Variants in CPLX2 observed in about 807,000 individuals in gnomAD.
CPLX2 encodes complexin 2, also known as complexin-2.
In CPLX2, 5 loss-of-function variants were observed where a neutral mutation model predicts 16.3. The ratio of observed to expected loss-of-function variants is 0.31; its 90% CI spans 0.16 to 0.64. The LOEUF (loss-of-function observed/expected upper bound fraction) is 0.64, where lower values mean the gene tolerates loss of function less well. CPLX2 is among the 30% of genes least tolerant of loss of function. The probability of loss-of-function intolerance (pLI) is 0.79; values close to 1 mark genes in which losing one functional copy is unlikely to be tolerated. For missense variants in CPLX2, 144 were observed against 181.4 expected, an observed-to-expected ratio of 0.79 and a Z score of 1.18; for synonymous variants, 89 against 73.2, an observed-to-expected ratio of 1.22 and a Z score of -1.10.
At position 175,851,115 on chromosome 5, in the gene CPLX2, T is replaced by C. The variant is rs558518269; in HGVS notation, c.-88-27537T>C. 2.6e-5 allele frequency among the ~76,000 whole-genome samples: 4 copies of C among 152,028 alleles called. No homozygotes were observed. The East Asian group carries it at 7.8e-4, about 30-fold the overall frequency. On this transcript the variant is annotated intron_variant, in intron 2 of 4. Transcript: ENST00000359546. ...TAAGTGTGGCTCAGGGCATCTTGCG[T>C]GTGAGGAGCCTGTGGACAGGTGGCT...
intron 2 of CPLX2, among the ~76,000 whole-genome samples, chr5:175,858,185 G>A (rs1759295934): frequency 6.6e-6 from 1 of 152,202 alleles, no homozygotes; most frequent in African/African-American, 2.4e-5. Flanking sequence ...TACATAATAG[G>A]AGGTAAGAGA....
chr5:175,823,964 T>A (rs1006415527), intron 2 of CPLX2, among the ~76,000 whole-genome samples: 2 of 152,186 alleles, frequency 1.3e-5, no homozygotes, highest in Admixed American at 6.5e-5. Flanking sequence ...CAATAATGCA[T>A]GTCCTCCTCC....
chr5:175,864,566 G>A (rs950857287), intron 2 of CPLX2, among the ~76,000 whole-genome samples: 2 of 152,204 alleles, frequency 1.3e-5, no homozygotes, highest in Admixed American at 6.5e-5. Flanking sequence ...AAAGGATCTG[G>A]AGAGTGTGAA....
chr5:175,813,402 T>C (rs1758347922), intron 2 of CPLX2, among the ~76,000 whole-genome samples: 2 of 152,362 alleles, frequency 1.3e-5, no homozygotes, highest in Admixed American at 1.3e-4. Context: ...TCACAGTGTC[T>C]GTCACTTAAG....
chr5:175,850,365 G>A (rs535980848), intron 2 of CPLX2, among the ~76,000 whole-genome samples: 1 of 152,266 alleles, frequency 6.6e-6, no homozygotes, highest in Admixed American at 6.5e-5. Context: ...ATGAGTGGGC[G>A]GGAGACAGAG....
chr5:175,871,425 G>GACAGAGAGAGAGAGAGAGAA (rs1561790280), upstream of CPLX2: 1 of 108,010 alleles, frequency 9.3e-6, no homozygotes, highest in African/African-American at 3.6e-5. Context: ...GAGAGAGAGA[G>GACAGAGAGAGAGAGAGAGAA]AGAGAGACAG....
At chr5:175,865,386 GCACCAAGATGGAAAGAACATCTATCTT>G (rs975884977) in intron 2 of CPLX2, among the ~76,000 whole-genome samples, 1 of 152,150 alleles carries the variant, frequency 6.6e-6, no homozygotes, top group African/African-American at 2.4e-5. Flanking sequence ...GACTGCCTCT[GCACCAAGATGGAAAGAACATCTATCTT>G]CACAAATGTA....
chr5:175,833,629 CTT>C (rs1758771471), intron 2 of CPLX2, among the ~76,000 whole-genome samples: 1 of 152,120 alleles, frequency 6.6e-6, no homozygotes, highest in African/African-American at 2.4e-5. Flanking sequence ...CTCCAGGACT[CTT>C]TGAGAAACAC....
upstream of CPLX2, among the ~76,000 whole-genome samples, chr5:175,868,610 C>T (rs533095858): frequency 1.3e-5 from 2 of 152,178 alleles, no homozygotes; most frequent in East Asian, 1.9e-4. Context: ...TTTGCACTCC[C>T]GCTGGATTAG....
chr5:175,854,724 G>A (rs1249923832), intron 2 of CPLX2, among the ~76,000 whole-genome samples: 4 of 152,178 alleles, frequency 2.6e-5, no homozygotes, highest in African/African-American at 9.7e-5. Context: ...AACATCCCAA[G>A]ATCACAGCAG....
chr5:175,819,292 G>A (rs907947229), intron 2 of CPLX2, among the ~76,000 whole-genome samples: 5 of 152,220 alleles, frequency 3.3e-5, no homozygotes, highest in South Asian at 2.1e-4. Context: ...CACGAGATGC[G>A]GGTTCAGCTC....
At position 175,878,963 on chromosome 5, in the gene CPLX2, C is replaced by T. The variant is rs1393699238; in HGVS notation, c.87C>T (p.Asp29=). ...GGGGAGAGGAGGAGAAGGACCCCGA[C>T]GCGCAGAAAAAGGAGGAGGAGCGGC... The part of the protein sequence containing the change: ...MLGGEEEKDP[D]AQKKEEERQE... Residue 29 remains aspartate (D), a synonymous_variant, in exon 3 of 4, where the codon GAC becomes GAT. Coordinates refer to ENST00000393745, the MANE Select transcript of CPLX2 (RefSeq NM_001008220.2). The T allele has an allele frequency of 6.2e-7, 1 of 1,610,572 alleles. No individual in the cohort carries two copies. Among genetic ancestry groups the T allele is most frequent in the Non-Finnish European group, 8.5e-7 (1 of 1,178,522 alleles).
At position 175,849,528 on chromosome 5, in the gene CPLX2, T is replaced by C. The variant is rs1259526573; in HGVS notation, c.-88-29124T>C. Among the ~76,000 whole-genome samples the C allele has an allele frequency of 1.3e-5, 2 of 152,148 alleles. No individual in the cohort carries two copies. The highest frequency in any genetic ancestry group is 4.8e-5 in the African/African-American group (2 of 41,526). ...GGGGCTCCCAGCATGGCTGGGGAGA[T>C]AGCACATAAGCAGAGACTCTCCCTG... is the stretch of plus-strand genomic sequence containing the variant. On this transcript the variant is annotated intron_variant, in intron 2 of 4. Transcript: ENST00000359546. The surrounding 1 kb of genome is among the most constrained non-coding windows in gnomAD (Gnocchi z 4.4).
chr5:175,864,814 A>C (rs1006353570), intron 2 of CPLX2, among the ~76,000 whole-genome samples: 1 of 152,206 alleles, frequency 6.6e-6, no homozygotes, highest in African/African-American at 2.4e-5. Context: ...TGCTTGGCAC[A>C]CTGGAGGTGT....
At position 175,883,065 on chromosome 5, in the gene CPLX2, G is replaced by A. The variant is rs1755660134; in HGVS notation, c.*3020G>A. On this transcript the variant is annotated 3_prime_UTR_variant, in exon 4 of 4. Transcript: ENST00000393745. The stretch of plus-strand genomic sequence containing the variant: ...AATTCAGCACGCACACAACACACAA[G>A]GGAGAGAACCCCCAGATGAGAAAAT... The A allele has an allele frequency of 1.3e-5, 2 of 152,298 alleles. No individual in the cohort carries two copies. The highest frequency in any genetic ancestry group is 6.5e-5 in the Admixed American group (1 of 15,282). 9.4% of individuals were successfully genotyped at this position (152,298 alleles called of 1,614,324 possible).
chr5:175,856,485 G>A (rs1581094301), intron 2 of CPLX2, among the ~76,000 whole-genome samples: 1 of 152,274 alleles, frequency 6.6e-6, no homozygotes, highest in East Asian at 1.9e-4. Flanking sequence ...CTGAGCTCCC[G>A]CCACGCTCCG....
At chr5:175,871,452 A>G (rs1581101917), upstream of CPLX2, 6 of 132,446 alleles carry the variant, frequency 4.5e-5, no homozygotes, top group African/African-American at 5.5e-5. Flanking sequence ...AGAGAGAGAG[A>G]GAGAGAGAGA....
At chr5:175,860,923 T>A (rs1460472862) in intron 2 of CPLX2, among the ~76,000 whole-genome samples, 1 of 149,854 alleles carries the variant, frequency 6.7e-6, no homozygotes, top group African/African-American at 2.5e-5. Flanking sequence ...AACATCCCAA[T>A]GACATAATGC....
intron 2 of CPLX2, among the ~76,000 whole-genome samples, chr5:175,851,673 T>C (rs1317943567): frequency 6.6e-6 from 1 of 152,072 alleles, no homozygotes; most frequent in Non-Finnish European, 1.5e-5. Flanking sequence ...GATGAATGAG[T>C]CTCAAGACCA....
Sources: allele counts gnomAD v4.1 joint callset (sites outside exome capture counted in the v4.1 genomes callset), GRCh38; gene constraint gnomAD v4.1.1; non-coding constraint Gnocchi (gnomAD v3.1); transcripts MANE v1.5; gene names NCBI Gene and HGNC (gene_info 2026-07-23, HGNC 2026-07-21).